Variants in AOPEP observed in about 807,000 individuals in gnomAD.
The protein encoded by AOPEP is aminopeptidase O.
AOPEP carries 77 observed loss-of-function variants against 98.1 expected under a neutral mutation model. The observed-to-expected ratio is 0.78, with a 90% CI of 0.65 to 0.95. The LOEUF is 0.95. AOPEP is among the 40% of genes least tolerant of loss of function. The pLI, the probability that AOPEP is intolerant of heterozygous loss-of-function variation, is 0.00. For missense variants in AOPEP, 1,024 were observed against 1,024.7 expected, an observed-to-expected ratio of 1.00 and a Z score of 0.01; for synonymous variants, 346 against 365.3, an observed-to-expected ratio of 0.95 and a Z score of 0.60.
At chr9:95,038,249 T>C (rs1450008447) in intron 13 of AOPEP, among the ~76,000 whole-genome samples, 3 of 152,144 alleles carry the variant, frequency 2.0e-5, no homozygotes, top group African/African-American at 7.2e-5. Context: ...CTAGATACCA[T>C]CAAACTTGAA....
At chr9:95,091,053 C>T (rs1009739351), downstream of AOPEP, among the ~76,000 whole-genome samples, 1 of 152,064 alleles carries the variant, frequency 6.6e-6, no homozygotes, top group Non-Finnish European at 1.5e-5. Flanking sequence ...TGGGGGAGGC[C>T]GAGGGGAGGG....
chr9:94,906,485 A>AATAATAATAATAAT (rs1488133280), intron 5 of AOPEP, among the ~76,000 whole-genome samples: 1,246 of 53,820 alleles, frequency 0.023, 22 homozygotes, highest in Middle Eastern at 0.1. Context: ...ATAATAATAA[A>AATAATAATAATAAT]AAAACAGACC....
At chr9:94,965,393 T>G (rs2059125953) in intron 9 of AOPEP, among the ~76,000 whole-genome samples, 1 of 152,230 alleles carries the variant, frequency 6.6e-6, no homozygotes, top group Non-Finnish European at 1.5e-5. Flanking sequence ...CATTAATGCT[T>G]TTAATAGGGA....
intron 9 of AOPEP, among the ~76,000 whole-genome samples, chr9:94,957,196 TTCTC>T (rs1215475928): frequency 6.6e-6 from 1 of 152,144 alleles, no homozygotes; most frequent in Non-Finnish European, 1.5e-5. Context: ...CTTCGTTTGC[TTCTC>T]TCTTTTTTGT....
intron 13 of AOPEP, among the ~76,000 whole-genome samples, chr9:95,041,951 G>A (rs1437462089): frequency 6.6e-6 from 1 of 152,126 alleles, no homozygotes; most frequent in Non-Finnish European, 1.5e-5. Context: ...GGATCTGGGA[G>A]GGAACGGGAA....
the AOPEP span, among the ~76,000 whole-genome samples, chr9:95,102,128 C>A: frequency 6.6e-6 from 1 of 152,232 alleles, no homozygotes; most frequent in Non-Finnish European, 1.5e-5. Context: ...AGGCCACAAA[C>A]AAGCGCTGCT....
chr9:95,005,508 C>T (rs966418850), intron 12 of AOPEP, 34 bp from the exon 13 acceptor site: 1 of 1,595,946 alleles, frequency 6.3e-7, no homozygotes, highest in African/African-American at 1.3e-5. Context: ...GACCCTGTCG[C>T]CTTCTTTGAA....
chr9:95,048,604 A>G (rs1418491304), intron 13 of AOPEP, among the ~76,000 whole-genome samples: 2 of 152,056 alleles, frequency 1.3e-5, no homozygotes, highest in African/African-American at 4.8e-5. Flanking sequence ...CTCTCCGCCC[A>G]CGCCTGCCCT....
chr9:95,067,755 T>C (rs1253296462), intron 14 of AOPEP, among the ~76,000 whole-genome samples: 1 of 152,216 alleles, frequency 6.6e-6, no homozygotes, highest in Non-Finnish European at 1.5e-5. Context: ...GTTTTTAATA[T>C]ATTCACAGAG....
At chr9:94,891,442 A>AT (rs370465864) in intron 5 of AOPEP, among the ~76,000 whole-genome samples, 47 of 152,162 alleles carry the variant, frequency 3.1e-4, no homozygotes, top group African/African-American at 1.1e-3. Flanking sequence ...TAGCCATTTT[A>AT]TTTTTATTTT....
At chr9:95,120,864 T>C in the AOPEP span, among the ~76,000 whole-genome samples, 2 of 152,246 alleles carry the variant, frequency 1.3e-5, no homozygotes, top group Non-Finnish European at 2.9e-5. Flanking sequence ...GTTTTCTTTT[T>C]TCCCCTCAAT....
At chr9:95,047,965 G>T (rs1182816968) in intron 13 of AOPEP, among the ~76,000 whole-genome samples, 1 of 152,170 alleles carries the variant, frequency 6.6e-6, no homozygotes, top group Non-Finnish European at 1.5e-5. Context: ...CTTACAGAAA[G>T]CTGCCCTGGG....
chr9:94,852,502 C>G (rs894054843), intron 5 of AOPEP, among the ~76,000 whole-genome samples: 1 of 152,142 alleles, frequency 6.6e-6, no homozygotes, highest in African/African-American at 2.4e-5. Context: ...TCATGGAGTT[C>G]AGTTTGAATT....
At chr9:94,814,635 A>T (rs1024807862) in intron 5 of AOPEP, among the ~76,000 whole-genome samples, 1 of 152,196 alleles carries the variant, frequency 6.6e-6, no homozygotes, top group Non-Finnish European at 1.5e-5. Flanking sequence ...AGTACTGTCC[A>T]GGTGTGCTGC....
chr9:95,144,294 T>C, the AOPEP span, among the ~76,000 whole-genome samples: 468 of 152,324 alleles, frequency 3.1e-3, 4 homozygotes, highest in African/African-American at 0.01. Context: ...AGCCACAGGA[T>C]TTGGACACAC....
intron 5 of AOPEP, among the ~76,000 whole-genome samples, chr9:94,851,331 T>G (rs1323638374): frequency 6.6e-6 from 1 of 152,204 alleles, no homozygotes; most frequent in Non-Finnish European, 1.5e-5. Flanking sequence ...TCAGGGAATA[T>G]GCAGATATTT....
chr9:94,951,360 G>A (rs981070592), intron 7 of AOPEP, among the ~76,000 whole-genome samples: 6 of 152,178 alleles, frequency 3.9e-5, no homozygotes, highest in Admixed American at 2.0e-4. Context: ...GATCTTGGGG[G>A]GGCCCCAGAG....
intron 16 of AOPEP, among the ~76,000 whole-genome samples, chr9:95,085,771 A>G (rs1300172364): frequency 6.6e-6 from 1 of 152,232 alleles, no homozygotes; most frequent in Non-Finnish European, 1.5e-5. Flanking sequence ...AAATGTATTG[A>G]AAGTTGCAAA....
rs1840849906 is a variant in AOPEP at position 94,771,442 on chromosome 9, A to T, written c.798-1560A>T. ...TCTGATCTTTCCCTGCCCCATGTCA[A>T]ACCTTCACATTATCATGGCATGTAT... On this transcript the variant is annotated intron_variant, in intron 2 of 16. Transcript: ENST00000375315. 6.6e-5 allele frequency among the ~76,000 whole-genome samples: 10 copies of T among 152,096 alleles called. No individual in the cohort carries two copies. In the South Asian group the frequency reaches 2.1e-3, roughly 32 times the overall value.
Sources: gnomAD v4.1 joint callset for allele counts (sites outside exome capture counted in the v4.1 genomes callset) on GRCh38, gnomAD v4.1.1 for gene constraint, MANE v1.5 for transcripts, NCBI Gene and HGNC (gene_info 2026-07-23, HGNC 2026-07-21) for gene names.